The following TPRX1 variants were observed in gnomAD, a reference collection of about 807,000 sequenced individuals.
The protein encoded by TPRX1 is tetrapeptide repeat homeobox 1, also known as tetra-peptide repeat homeobox protein 1.
Under a neutral mutation model 8.1 loss-of-function variants are expected in TPRX1, and 2 were observed. The ratio of observed to expected loss-of-function variants is 0.25; its 90% CI spans 0.10 to 0.78. The LOEUF is 0.78. Ranked by LOEUF, TPRX1 falls within the 30% of genes least tolerant of loss-of-function variation. The pLI is 0.70. For missense variants in TPRX1, 517 were observed against 586.9 expected (o/e 0.88, Z 1.23); for synonymous variants, 257 against 254.1 (o/e 1.01, Z -0.11).
At chr19:47,804,819 A>C (rs1472480938) in intron 2 of TPRX1, among the ~76,000 whole-genome samples, 1 of 152,212 alleles carries the variant, frequency 6.6e-6, no homozygotes. Flanking sequence ...GTGGCATTCC[A>C]TGCGGGTTTG....
intron 2 of TPRX1, among the ~76,000 whole-genome samples, 105 bp from the exon 1 acceptor site, chr19:47,804,656 C>G (rs1330278582): frequency 6.6e-6 from 1 of 152,062 alleles, no homozygotes; most frequent in East Asian, 1.9e-4. Context: ...CTTTCCCACC[C>G]TGCCCTGCAG....
intron 2 of TPRX1, among the ~76,000 whole-genome samples, chr19:47,811,202 C>T (rs1365879128): frequency 6.6e-6 from 1 of 151,594 alleles, no homozygotes; most frequent in Non-Finnish European, 1.5e-5. Flanking sequence ...CAGGGTTTCA[C>T]CATGTTGGCC....
intron 2 of TPRX1, among the ~76,000 whole-genome samples, chr19:47,807,999 A>G (rs1967749848): frequency 6.6e-6 from 1 of 151,952 alleles, no homozygotes; most frequent in South Asian, 2.1e-4. Context: ...AGTCAATCGA[A>G]ACTCACTGCA....
intron 2 of TPRX1, among the ~76,000 whole-genome samples, chr19:47,811,493 C>A (rs930709652): frequency 1.5e-4 from 21 of 139,110 alleles, no homozygotes; most frequent in African/African-American, 5.6e-4. Flanking sequence ...ATGTTCATGG[C>A]AACTTTTTTT....
exon 4 of TPRX1, chr19:47,802,559 C>T: frequency 1.3e-6 from 2 of 1,546,564 alleles, no homozygotes; most frequent in Non-Finnish European, 1.7e-6. Context: ...TGGGATTGGG[C>T]CACGGAATGG....
chr19:47,810,254 CAAAAAAAAAAAAA>C (rs767070353), intron 2 of TPRX1, among the ~76,000 whole-genome samples: 2 of 21,394 alleles, frequency 9.3e-5, no homozygotes, highest in African/African-American at 3.4e-4. Flanking sequence ...GACTCCATCT[CAAAAAAAAAAAAA>C]AAAAAAAAAA....
chr19:47,815,149 TATATATATATATA>T (rs1568617414), intron 2 of TPRX1, among the ~76,000 whole-genome samples: 18 of 79,282 alleles, frequency 2.3e-4, no homozygotes, highest in African/African-American at 9.0e-4. Flanking sequence ...TATATGCAAA[TATATATATATATA>T]TTTTTTTTTT....
At chr19:47,803,457 G>T (rs1224295584) in intron 3 of TPRX1, 47 bp downstream of exon 2, 4 of 1,160,446 alleles carry the variant, frequency 3.4e-6, no homozygotes, top group South Asian at 2.6e-5. Context: ...CGGTGGGGAG[G>T]CTCCTTGGGG....
intron 2 of TPRX1, among the ~76,000 whole-genome samples, chr19:47,812,980 G>A (rs1175680125): frequency 2.0e-5 from 3 of 151,716 alleles, no homozygotes; most frequent in South Asian, 2.1e-4. Flanking sequence ...GGTGGCACGC[G>A]CCTGTAATCC....
At position 47,817,915 on chromosome 19, in the gene TPRX1, G is replaced by A. The variant is rs534019686; in HGVS notation, c.151+553C>T. The stretch of plus-strand genomic sequence containing the variant: ...CTGCCAGCCTCTCTCTGCCGCATCC[G>A]TAGGCTCCTCTGTCCAGTGAGGACA... On this transcript the variant is annotated intron_variant, in intron 2 of 3. Coordinates refer to ENST00000535759, the Ensembl canonical transcript of TPRX1. Among the ~76,000 whole-genome samples the A allele has an allele frequency of 1.2e-4, 18 of 152,344 alleles. No individual in the cohort carries two copies. In the South Asian group the frequency reaches 2.3e-3, roughly 19 times the overall value.
At chr19:47,812,162 C>T (rs970205916) in intron 2 of TPRX1, among the ~76,000 whole-genome samples, 18 of 152,020 alleles carry the variant, frequency 1.2e-4, no homozygotes, top group African/African-American at 4.3e-4. Flanking sequence ...CACCCGTGCC[C>T]GGCCTGAGAA....
intron 2 of TPRX1, among the ~76,000 whole-genome samples, chr19:47,812,432 C>T (rs1184785989): frequency 4.0e-5 from 6 of 150,990 alleles, no homozygotes; most frequent in African/African-American, 1.2e-4. Flanking sequence ...TCTTGTCTCT[C>T]TTAAAAAATA....
intron 2 of TPRX1, among the ~76,000 whole-genome samples, chr19:47,810,752 T>C (rs1167671524): frequency 6.6e-6 from 1 of 151,932 alleles, no homozygotes; most frequent in African/African-American, 2.4e-5. Flanking sequence ...CACAGACACC[T>C]CCCCATCCTC....
At chr19:47,808,961 G>C (rs1967759172) in intron 2 of TPRX1, among the ~76,000 whole-genome samples, 1 of 152,212 alleles carries the variant, frequency 6.6e-6, no homozygotes, top group African/African-American at 2.4e-5. Flanking sequence ...GGATGAAGTG[G>C]TAACCAATTA....
rs1048819453 is a variant in TPRX1 at position 47,802,224 on chromosome 19, CTGGGCCTGAGAT to C, written c.1066_1077del (p.Ile356_Pro359del). Reference sequence around the variant, plus strand: ...CTGGGAATCGGGCCTATAATTGGGCCTGGGCCTGAGATTGGGCCTGGGATTGGGCCTGGGATC... The same window carrying C: ...CTGGGAATCGGGCCTATAATTGGGCCTGGGCCTGGGATTGGGCCTGGGATC... On this transcript the variant is annotated inframe_deletion, in exon 4 of 4. Transcript: ENST00000535759. 6.8e-6 allele frequency: 11 copies of C among 1,611,576 alleles called. No homozygotes were observed. In the Admixed American group the frequency reaches 1.0e-4, roughly 15 times the overall value.
intron 2 of TPRX1, among the ~76,000 whole-genome samples, chr19:47,806,742 A>G (rs576020323): frequency 2.0e-5 from 3 of 152,280 alleles, no homozygotes; most frequent in African/African-American, 7.2e-5. Context: ...AGGCAAATCC[A>G]TAGAGACAGA....
At chr19:47,812,591 C>T (rs1283227624) in intron 2 of TPRX1, among the ~76,000 whole-genome samples, 2 of 151,774 alleles carry the variant, frequency 1.3e-5, no homozygotes, top group Admixed American at 1.3e-4. Flanking sequence ...AAAAATTAGT[C>T]GGGCATGGTG....
intron 2 of TPRX1, among the ~76,000 whole-genome samples, chr19:47,815,155 TA>T (rs1415031334): frequency 9.2e-5 from 8 of 86,800 alleles, no homozygotes; most frequent in African/African-American, 3.5e-4. Flanking sequence ...CAAATATATA[TA>T]TATATATTTT....
At chr19:47,813,313 G>C (rs1208269851) in intron 2 of TPRX1, among the ~76,000 whole-genome samples, 4 of 151,724 alleles carry the variant, frequency 2.6e-5, no homozygotes, top group African/African-American at 9.7e-5. Flanking sequence ...GGGCAACAGG[G>C]TGAGACCCTG....
Sources: gnomAD v4.1 joint callset for allele counts (sites outside exome capture counted in the v4.1 genomes callset) on GRCh38, gnomAD v4.1.1 for gene constraint, MANE v1.5 for transcripts, NCBI Gene and HGNC (gene_info 2026-07-23, HGNC 2026-07-21) for gene names.